MEIS1: variants seen among roughly 807,000 people sequenced by gnomAD.
MEIS1 encodes the protein homeobox protein Meis1.
MEIS1 carries 5 observed loss-of-function variants against 50.8 expected under a neutral mutation model. The ratio of observed to expected loss-of-function variants is 0.10; its 90% CI spans 0.05 to 0.21. MEIS1 has a LOEUF of 0.21. Ranked by LOEUF, MEIS1 falls within the 10% of genes least tolerant of loss-of-function variation. The probability of loss-of-function intolerance (pLI) is 1.00; values close to 1 mark genes in which losing one functional copy is unlikely to be tolerated. For synonymous variants in MEIS1, 176 were observed against 179.3 expected (o/e 0.98, Z 0.15); for missense variants, 318 against 517.3 (o/e 0.61, Z 3.74).
At position 66,559,971 on chromosome 2, in the gene MEIS1, A is replaced by AT. The variant is rs763113465; in HGVS notation, c.966-7476dup. 2.0e-5 allele frequency among the ~76,000 whole-genome samples: 3 copies of AT among 151,826 alleles called. No individual in the cohort carries two copies. In the East Asian group the frequency reaches 5.8e-4, roughly 30 times the overall value. ...ACAACCAGACCCAGCTAATTTTTAC[A>AT]TTTTTTGTAGAGACAGGGTTTTACC... On this transcript the variant is annotated intron_variant, in intron 9 of 12. Coordinates refer to ENST00000272369, the MANE Select transcript of MEIS1 (RefSeq NM_002398.3).
intron 6 of MEIS1, among the ~76,000 whole-genome samples, chr2:66,457,935 ATTAC>A (rs1374142617): frequency 2.0e-5 from 3 of 152,170 alleles, no homozygotes; most frequent in Non-Finnish European, 4.4e-5. Context: ...GCCACTAGAG[ATTAC>A]TTACTAAAGA....
chr2:66,512,649 A>T (rs182482905), intron 8 of MEIS1, among the ~76,000 whole-genome samples: 9 of 152,320 alleles, frequency 5.9e-5, no homozygotes, highest in Admixed American at 5.2e-4. Flanking sequence ...AACCCTAGAG[A>T]GAGACTTAAT....
At chr2:66,493,426 G>T (rs745947623) in intron 7 of MEIS1, among the ~76,000 whole-genome samples, 3 of 152,002 alleles carry the variant, frequency 2.0e-5, no homozygotes, top group South Asian at 2.1e-4. Context: ...TTATGTGTTG[G>T]ACCCTGAGTT....
chr2:66,490,829 T>C (rs1673253693), intron 7 of MEIS1, among the ~76,000 whole-genome samples: 1 of 152,128 alleles, frequency 6.6e-6, no homozygotes, highest in Admixed American at 6.5e-5. Flanking sequence ...TTGGAGTAAA[T>C]AAAAGCAAAA....
chr2:66,435,541 CT>C lies in MEIS1; in HGVS notation c.-312del. ...GGTCTGAGGGGCGCTCTTTTTTTTCCTTTTCTTTCTTTCTTTCTTTTTTTTT... is the reference window on the plus strand; with the variant it reads ...GGTCTGAGGGGCGCTCTTTTTTTTCCTTTCTTTCTTTCTTTCTTTTTTTTT... On this transcript the variant is annotated 5_prime_UTR_variant, in exon 1 of 13. Transcript: ENST00000272369. 2.6e-6 allele frequency: 1 copy of C among 385,932 alleles called. No individual in the cohort carries two copies. The highest frequency in any genetic ancestry group is 4.5e-6 in the Non-Finnish European group (1 of 221,600). 23.9% of individuals were successfully genotyped at this position (385,932 alleles called of 1,614,324 possible).
At chr2:66,455,622 T>C (rs1672369963) in intron 6 of MEIS1, among the ~76,000 whole-genome samples, 1 of 152,200 alleles carries the variant, frequency 6.6e-6, no homozygotes, top group African/African-American at 2.4e-5. Context: ...ACTAGGGTTT[T>C]AAGCAGCATT....
At chr2:66,527,091 A>G (rs1381022353) in intron 8 of MEIS1, among the ~76,000 whole-genome samples, 6 of 152,254 alleles carry the variant, frequency 3.9e-5, no homozygotes, top group Non-Finnish European at 8.8e-5. Flanking sequence ...CATGCATGAA[A>G]TAGCATACGT....
intron 8 of MEIS1, among the ~76,000 whole-genome samples, chr2:66,529,351 C>T (rs1016778609): frequency 6.6e-6 from 1 of 152,102 alleles, no homozygotes; most frequent in Non-Finnish European, 1.5e-5. Flanking sequence ...ACTCTGGGAG[C>T]TTTATAAAGT....
chr2:66,569,946 A>G (rs1235067557), intron 12 of MEIS1: 1 of 152,364 alleles, frequency 6.6e-6, no homozygotes, highest in Non-Finnish European at 1.5e-5. Flanking sequence ...TCTCTCCTAT[A>G]AAGACACTCC....
chr2:66,469,328 G>A (rs1460580719), intron 7 of MEIS1, among the ~76,000 whole-genome samples: 1 of 152,102 alleles, frequency 6.6e-6, no homozygotes, highest in Admixed American at 6.6e-5. Context: ...ACCAGCTTTT[G>A]TGTGAGTCCA....
chr2:66,499,169 A>G (rs1169896371), intron 7 of MEIS1, among the ~76,000 whole-genome samples: 1 of 152,210 alleles, frequency 6.6e-6, no homozygotes, highest in African/African-American at 2.4e-5. Context: ...GTTTTCAGAA[A>G]CGATTGGATT....
At chr2:66,568,796 C>CCTT (rs1675414083) in intron 11 of MEIS1, 40 bp downstream of exon 11, 1 of 1,527,064 alleles carries the variant, frequency 6.5e-7, no homozygotes, top group Admixed American at 1.7e-5. Flanking sequence ...ATTTTTGACT[C>CCTT]CAAGAGTGTC....
At chr2:66,457,672 G>A (rs1456467348) in intron 6 of MEIS1, among the ~76,000 whole-genome samples, 1 of 152,118 alleles carries the variant, frequency 6.6e-6, no homozygotes, top group African/African-American at 2.4e-5. Flanking sequence ...AAGGGGAGCC[G>A]GGCTAATTAG....
intron 9 of MEIS1, among the ~76,000 whole-genome samples, chr2:66,551,691 T>C (rs1468716256): frequency 1.3e-5 from 2 of 151,956 alleles, no homozygotes; most frequent in Non-Finnish European, 2.9e-5. Flanking sequence ...CATAACTAGT[T>C]GTCTAAATAT....
At chr2:66,483,935 T>C (rs1673078262) in intron 7 of MEIS1, among the ~76,000 whole-genome samples, 1 of 152,220 alleles carries the variant, frequency 6.6e-6, no homozygotes. Flanking sequence ...CTGGTCACAA[T>C]AACCTTTGGT....
intron 12 of MEIS1, chr2:66,570,008 T>G (rs140670776): frequency 4.0e-4 from 61 of 152,354 alleles, no homozygotes; most frequent in African/African-American, 1.3e-3. Context: ...AGGCTCTTGT[T>G]CACTTCCTAA....
intron 7 of MEIS1, among the ~76,000 whole-genome samples, chr2:66,475,639 G>A (rs1200484776): frequency 1.3e-5 from 2 of 152,170 alleles, no homozygotes; most frequent in African/African-American, 2.4e-5. Context: ...ATCCATGGAA[G>A]TTGCTCAGAA....
chr2:66,536,938 GA>G (rs754098292), intron 8 of MEIS1, among the ~76,000 whole-genome samples: 1 of 152,126 alleles, frequency 6.6e-6, no homozygotes, highest in African/African-American at 2.4e-5. Flanking sequence ...ACAAAGGGGG[GA>G]AATCATTAAA....
At chr2:66,517,678 A>G (rs934316091) in intron 8 of MEIS1, among the ~76,000 whole-genome samples, 10 of 152,184 alleles carry the variant, frequency 6.6e-5, no homozygotes, top group African/African-American at 2.4e-4. Flanking sequence ...TTTTCACTCA[A>G]GTGGGAATCA....
Sources: allele counts gnomAD v4.1 joint callset (sites outside exome capture counted in the v4.1 genomes callset), GRCh38; gene constraint gnomAD v4.1.1; transcripts MANE v1.5; gene names NCBI Gene and HGNC (gene_info 2026-07-23, HGNC 2026-07-21).